ZFPM2: variants seen among roughly 807,000 people sequenced by gnomAD.
The protein encoded by ZFPM2 is zinc finger protein ZFPM2.
In ZFPM2, 20 loss-of-function variants were observed where a neutral mutation model predicts 98.6. The observed-to-expected ratio is 0.20, with a 90% CI of 0.14 to 0.29. The LOEUF (loss-of-function observed/expected upper bound fraction) is 0.29. Ranked by LOEUF, ZFPM2 falls within the 10% of genes least tolerant of loss-of-function variation. The pLI is 1.00. For synonymous variants in ZFPM2, 518 were observed against 502.7 expected (o/e 1.03, Z -0.41); for missense variants, 1,310 against 1,388.6 (o/e 0.94, Z 0.90).
intron 5 of ZFPM2, among the ~76,000 whole-genome samples, chr8:105,773,613 G>C (rs1236368455): frequency 1.3e-5 from 2 of 150,668 alleles, no homozygotes; most frequent in African/African-American, 4.9e-5. Flanking sequence ...AAATTTTCTA[G>C]TTTTATCTAA....
intron 4 of ZFPM2, among the ~76,000 whole-genome samples, chr8:105,617,719 C>T (rs546697662): frequency 1.3e-5 from 2 of 152,222 alleles, no homozygotes; most frequent in African/African-American, 4.8e-5. Flanking sequence ...TGTTCTTGTG[C>T]AATCAGTGCT....
At chr8:105,496,615 G>A (rs184198778) in intron 3 of ZFPM2, among the ~76,000 whole-genome samples, 170 of 151,558 alleles carry the variant, frequency 1.1e-3, no homozygotes, top group Non-Finnish European at 1.3e-3. Context: ...TACAGGCCCA[G>A]CATTTTATTT....
At chr8:105,371,792 C>CA (rs1245799390) in intron 1 of ZFPM2, among the ~76,000 whole-genome samples, 6 of 151,916 alleles carry the variant, frequency 3.9e-5, no homozygotes, top group Non-Finnish European at 7.4e-5. Context: ...TTATAAAGGA[C>CA]ATTATTAGGA....
chr8:105,551,061 A>G (rs1814840554), intron 3 of ZFPM2, among the ~76,000 whole-genome samples: 1 of 152,218 alleles, frequency 6.6e-6, no homozygotes, highest in South Asian at 2.1e-4. Context: ...AATATTTTCA[A>G]CAATATAAAT....
At chr8:105,621,765 T>C (rs886734806) in intron 4 of ZFPM2, among the ~76,000 whole-genome samples, 2 of 152,174 alleles carry the variant, frequency 1.3e-5, no homozygotes, top group African/African-American at 4.8e-5. Context: ...TTGAGTATTC[T>C]ACATAGTAGA....
At chr8:105,673,378 T>G (rs1446354735) in intron 5 of ZFPM2, among the ~76,000 whole-genome samples, 4 of 151,996 alleles carry the variant, frequency 2.6e-5, no homozygotes, top group Non-Finnish European at 4.4e-5. Context: ...TTCAAAATGA[T>G]AGTCAGCAAC....
chr8:105,330,599 T>C (rs866230674), intron 1 of ZFPM2, among the ~76,000 whole-genome samples: 3,517 of 39,480 alleles, frequency 0.089, 159 homozygotes, highest in East Asian at 0.39. Flanking sequence ...TATATACATA[T>C]ATATATATAT....
At chr8:105,467,574 T>C (rs546179137) in intron 3 of ZFPM2, among the ~76,000 whole-genome samples, 5 of 152,228 alleles carry the variant, frequency 3.3e-5, no homozygotes, top group African/African-American at 9.6e-5. Context: ...ATCTCTGACC[T>C]CAGAGAGCCT....
intron 1 of ZFPM2, among the ~76,000 whole-genome samples, chr8:105,330,105 A>G (rs943197525): frequency 6.6e-6 from 1 of 151,652 alleles, no homozygotes; most frequent in Non-Finnish European, 1.5e-5. Flanking sequence ...TAGTTTTAGA[A>G]TAAAATGGTT....
At chr8:105,628,448 C>G (rs1336217509) in intron 4 of ZFPM2, among the ~76,000 whole-genome samples, 1 of 152,072 alleles carries the variant, frequency 6.6e-6, no homozygotes, top group Non-Finnish European at 1.5e-5. Context: ...TGGCAAAAAC[C>G]CCACCCTCAA....
intron 5 of ZFPM2, among the ~76,000 whole-genome samples, chr8:105,641,958 T>G (rs991104155): frequency 6.6e-6 from 1 of 152,094 alleles, no homozygotes; most frequent in African/African-American, 2.4e-5. Context: ...GTTAGAATCC[T>G]GGCAAATGAT....
intron 1 of ZFPM2, among the ~76,000 whole-genome samples, chr8:105,350,760 A>G (rs1463292987): frequency 6.6e-6 from 1 of 152,182 alleles, no homozygotes; most frequent in Non-Finnish European, 1.5e-5. Flanking sequence ...CAAAAGTGTC[A>G]TACCTTCCCT....
At chr8:105,633,667 T>A (rs1816792760) in intron 4 of ZFPM2, among the ~76,000 whole-genome samples, 1 of 152,196 alleles carries the variant, frequency 6.6e-6, no homozygotes, top group Non-Finnish European at 1.5e-5. Flanking sequence ...TTACAGTCTT[T>A]CTGGAGACAA....
At chr8:105,354,365 C>CTTTACT (rs1812702424) in intron 1 of ZFPM2, among the ~76,000 whole-genome samples, 2 of 152,280 alleles carry the variant, frequency 1.3e-5, no homozygotes, top group African/African-American at 2.4e-5. Flanking sequence ...GTTCCATTTT[C>CTTTACT]TTTACTTTTA....
chr8:105,736,592 C>T lies in ZFPM2; in HGVS notation c.533-52126C>T, dbSNP rs747814309. Among the ~76,000 whole-genome samples, 26 of 152,004 alleles carry T rather than the reference C, an allele frequency of 1.7e-4. 1 individual carries two copies. The highest frequency in any genetic ancestry group is 1.9e-4 in the East Asian group (1 of 5,136). ...ATTGATAACTGTTCTGACAAATCCA[C>T]GAGTCATATTATCACTACTGCACAG... On this transcript the variant is annotated intron_variant, in intron 5 of 7. Coordinates refer to ENST00000407775, the MANE Select transcript of ZFPM2 (RefSeq NM_012082.4).
intron 5 of ZFPM2, among the ~76,000 whole-genome samples, chr8:105,770,094 T>G (rs151117978): frequency 3.2e-4 from 49 of 152,216 alleles, no homozygotes; most frequent in South Asian, 1.2e-3. Context: ...CAGACTGATC[T>G]TTTTACTCTC....
At chr8:105,484,700 A>G (rs1373795713) in intron 3 of ZFPM2, among the ~76,000 whole-genome samples, 1 of 152,150 alleles carries the variant, frequency 6.6e-6, no homozygotes, top group Admixed American at 6.5e-5. Flanking sequence ...CATCCCCAGA[A>G]GATTATAAGG....
At chr8:105,729,829 AT>A (rs1024675653) in intron 5 of ZFPM2, among the ~76,000 whole-genome samples, 26 of 151,416 alleles carry the variant, frequency 1.7e-4, no homozygotes, top group African/African-American at 6.1e-4. Flanking sequence ...GTTTTTCATT[AT>A]GTGTCTACTT....
At chr8:105,788,343 A>T (rs987876052) in intron 5 of ZFPM2, among the ~76,000 whole-genome samples, 1 of 152,228 alleles carries the variant, frequency 6.6e-6, no homozygotes, top group African/African-American at 2.4e-5. Flanking sequence ...CCAAATGCTC[A>T]TATGAAATAA....
Sources: gnomAD v4.1 joint callset for allele counts (sites outside exome capture counted in the v4.1 genomes callset) on GRCh38, gnomAD v4.1.1 for gene constraint, MANE v1.5 for transcripts, NCBI Gene and HGNC (gene_info 2026-07-23, HGNC 2026-07-21) for gene names.